NRG3: variants seen among roughly 807,000 people sequenced by gnomAD.
The protein encoded by NRG3 is neuregulin 3.
Under a neutral mutation model 66.9 loss-of-function variants are expected in NRG3, and 31 were observed. That is an observed-to-expected ratio of 0.46 (90% CI 0.35 to 0.63). The LOEUF (loss-of-function observed/expected upper bound fraction) is 0.63. Ranked by LOEUF, NRG3 falls within the 20% of genes least tolerant of loss-of-function variation. The pLI, the probability that NRG3 is intolerant of heterozygous loss-of-function variation, is 0.00. For missense variants in NRG3, 910 were observed against 878.9 expected (o/e 1.04, Z -0.45); for synonymous variants, 393 against 359.4 (o/e 1.09, Z -1.06).
At chr10:82,401,475 A>G (rs990042195) in intron 2 of NRG3, among the ~76,000 whole-genome samples, 6 of 152,082 alleles carry the variant, frequency 3.9e-5, no homozygotes, top group African/African-American at 7.2e-5. Context: ...TCTATACAGT[A>G]TGAGGCAGGA....
At chr10:81,877,938 C>G in intron 1 of NRG3, 4 of 1,537,386 alleles carry the variant, frequency 2.6e-6, no homozygotes, top group East Asian at 2.4e-5. Context: ...TTGATCTGCT[C>G]TTTTGATGCA....
intron 1 of NRG3, among the ~76,000 whole-genome samples, chr10:81,929,616 T>G (rs951487578): frequency 6.6e-6 from 1 of 152,206 alleles, no homozygotes; most frequent in African/African-American, 2.4e-5. Context: ...TTGACTACAA[T>G]GTATTTCCCT....
At chr10:82,977,532 C>G (rs745675123) in intron 7 of NRG3, among the ~76,000 whole-genome samples, 1 of 151,084 alleles carries the variant, frequency 6.6e-6, no homozygotes, top group Non-Finnish European at 1.5e-5. Flanking sequence ...TCACTTGAAC[C>G]TGGGAGGTAG....
At chr10:82,214,961 C>T (rs890880345) in intron 1 of NRG3, among the ~76,000 whole-genome samples, 4 of 152,154 alleles carry the variant, frequency 2.6e-5, no homozygotes, top group Non-Finnish European at 5.9e-5. Flanking sequence ...TTTGTGCAGT[C>T]TTGATCATTC....
chr10:82,378,311 G>T (rs1481794179), intron 2 of NRG3, among the ~76,000 whole-genome samples: 1 of 152,174 alleles, frequency 6.6e-6, no homozygotes, highest in African/African-American at 2.4e-5. Flanking sequence ...TGTGAACTTG[G>T]AGTACGTGTG....
rs5786582 is a variant in NRG3 at position 82,953,957 on chromosome 10, CA to C, written c.1157+2399del. 2.0e-3 allele frequency among the ~76,000 whole-genome samples: 289 copies of C among 141,802 alleles called. 1 individual carries two copies. The highest frequency in any genetic ancestry group is 7.2e-3 in the African/African-American group (269 of 37,392). The allele number at this position is 141,802 out of a possible 152,430, so 93.0% of individuals were successfully genotyped here. ...TAGGCAACAGAGTGAGATTCAGTCT[CA>C]AAAAAAAAAAAACAATGCAATCACA... is the stretch of plus-strand genomic sequence containing the variant. On this transcript the variant is annotated intron_variant, in intron 5 of 8. Coordinates refer to ENST00000372141, the MANE Select transcript of NRG3 (RefSeq NM_001010848.4).
intron 2 of NRG3, among the ~76,000 whole-genome samples, chr10:82,540,109 G>C (rs2043434510): frequency 6.6e-6 from 1 of 151,316 alleles, no homozygotes; most frequent in Non-Finnish European, 1.5e-5. Context: ...AGTAGGAGAA[G>C]TGGACTGCTG....
At chr10:82,547,618 C>CAT (rs920841116) in intron 2 of NRG3, among the ~76,000 whole-genome samples, 14 of 150,750 alleles carry the variant, frequency 9.3e-5, no homozygotes, top group African/African-American at 3.4e-4. Flanking sequence ...TGTACATATA[C>CAT]ATATATGTGT....
intron 1 of NRG3, among the ~76,000 whole-genome samples, chr10:81,890,706 T>C (rs1020412652): frequency 6.6e-6 from 1 of 152,218 alleles, no homozygotes; most frequent in Non-Finnish European, 1.5e-5. Context: ...AGTGTTAGGG[T>C]TTGAAGACTT....
intron 3 of NRG3, among the ~76,000 whole-genome samples, chr10:82,766,275 G>C (rs934840995): frequency 7.2e-5 from 11 of 152,122 alleles, no homozygotes; most frequent in African/African-American, 2.7e-4. Context: ...AGTATTTTGT[G>C]GCCAGGTTTT....
At chr10:82,565,489 T>C (rs1396506287) in intron 2 of NRG3, among the ~76,000 whole-genome samples, 1 of 152,104 alleles carries the variant, frequency 6.6e-6, no homozygotes, top group Non-Finnish European at 1.5e-5. Context: ...TTGACTTTCA[T>C]CCTTCAATCC....
intron 2 of NRG3, among the ~76,000 whole-genome samples, chr10:82,542,144 A>G (rs1042303313): frequency 6.6e-6 from 1 of 151,280 alleles, no homozygotes; most frequent in Non-Finnish European, 1.5e-5. Flanking sequence ...TCATTTTTCA[A>G]CTCCCACTTA....
intron 2 of NRG3, among the ~76,000 whole-genome samples, chr10:82,707,146 T>C (rs77812870): frequency 0.027 from 4,161 of 151,538 alleles, 190 homozygotes; most frequent in African/African-American, 0.095. Context: ...CTTGAGGGTC[T>C]TTTTATAAAG....
chr10:82,140,209 C>T (rs1230430281), intron 1 of NRG3, among the ~76,000 whole-genome samples: 1 of 152,074 alleles, frequency 6.6e-6, no homozygotes, highest in African/African-American at 2.4e-5. Context: ...CTTTGCACTC[C>T]TTCATTCACT....
At chr10:82,709,971 A>G (rs532033533) in intron 2 of NRG3, among the ~76,000 whole-genome samples, 1 of 152,332 alleles carries the variant, frequency 6.6e-6, no homozygotes, top group Admixed American at 6.5e-5. Context: ...TTGCTGAAGA[A>G]TTGTGCATCT....
chr10:82,863,900 A>G (rs2064278164), intron 3 of NRG3, among the ~76,000 whole-genome samples: 1 of 152,180 alleles, frequency 6.6e-6, no homozygotes, highest in Non-Finnish European at 1.5e-5. Context: ...CTTTACATGA[A>G]AGTGTGCCTG....
At chr10:82,908,443 A>G (rs1468932694) in intron 4 of NRG3, among the ~76,000 whole-genome samples, 23 of 152,208 alleles carry the variant, frequency 1.5e-4, no homozygotes, top group Admixed American at 1.5e-3. Context: ...AGACCTGCCA[A>G]GTTCTGAGCA....
chr10:82,579,176 C>T (rs1284010795), intron 2 of NRG3, among the ~76,000 whole-genome samples: 1 of 151,304 alleles, frequency 6.6e-6, no homozygotes. Context: ...AAAAAAACAG[C>T]CAATGCCAAT....
At chr10:82,177,372 A>G (rs979972362) in intron 1 of NRG3, among the ~76,000 whole-genome samples, 2 of 152,172 alleles carry the variant, frequency 1.3e-5, no homozygotes, top group African/African-American at 4.8e-5. Flanking sequence ...GATATATGCA[A>G]TATTTTAATT....
Sources: gnomAD v4.1 joint callset for allele counts (sites outside exome capture counted in the v4.1 genomes callset) on GRCh38, gnomAD v4.1.1 for gene constraint, MANE v1.5 for transcripts, NCBI Gene and HGNC (gene_info 2026-07-23, HGNC 2026-07-21) for gene names.